CD86: variants seen among roughly 807,000 people sequenced by gnomAD.
CD86 encodes CD86 molecule, also known as T-lymphocyte activation antigen CD86.
A neutral mutation model predicts 32.1 loss-of-function variants in CD86; 11 were observed. The observed-to-expected ratio is 0.34, with a 90% CI of 0.22 to 0.57. The LOEUF (loss-of-function observed/expected upper bound fraction) is 0.57. Ranked by LOEUF, CD86 falls within the 20% of genes least tolerant of loss-of-function variation. The pLI is 0.86. For missense variants in CD86, 359 were observed against 398.4 expected (o/e 0.90, Z 0.84); for synonymous variants, 137 against 135.3 (o/e 1.01, Z -0.09).
intron 3 of CD86, among the ~76,000 whole-genome samples, 191 bp from the exon 4 acceptor site, chr3:122,106,007 C>A (rs1031967819): frequency 1.3e-5 from 2 of 152,116 alleles, no homozygotes; most frequent in Admixed American, 6.5e-5. Context: ...TGGCTGCAAA[C>A]TCTATTGTTG....
rs1249304459 is a variant in CD86 at position 122,072,505 on chromosome 3, TC to T, written c.14+17003del. On this transcript the variant is annotated intron_variant, in intron 1 of 6. Transcript: ENST00000330540. Reference sequence around the variant, plus strand: ...GTGATGGTGAGCATTTTTTCATGTGTCTTTTGGCTGCATAAATGTCTTCTTT... The same window carrying T: ...GTGATGGTGAGCATTTTTTCATGTGTTTTTGGCTGCATAAATGTCTTCTTT... 5.3e-5 allele frequency among the ~76,000 whole-genome samples: 8 copies of T among 152,352 alleles called. No homozygotes were observed. The South Asian group carries it at 8.3e-4, about 16-fold the overall frequency.
At chr3:122,055,956 C>T (rs2072227305) in intron 1 of CD86, among the ~76,000 whole-genome samples, 1 of 152,020 alleles carries the variant, frequency 6.6e-6, no homozygotes, top group South Asian at 2.1e-4. Flanking sequence ...ATGCAAAACT[C>T]AGTTAATATG....
At chr3:122,079,876 T>C (rs2072606930) in intron 1 of CD86, among the ~76,000 whole-genome samples, 1 of 152,188 alleles carries the variant, frequency 6.6e-6, no homozygotes, top group African/African-American at 2.4e-5. Context: ...CCTTTCTAAG[T>C]TCCATGTCCT....
At chr3:122,069,505 G>A (rs2072459828) in intron 1 of CD86, among the ~76,000 whole-genome samples, 1 of 152,166 alleles carries the variant, frequency 6.6e-6, no homozygotes, top group Non-Finnish European at 1.5e-5. Context: ...GCCATTAGGT[G>A]TTGAGATACA....
chr3:122,085,055 C>T (rs559787690), intron 1 of CD86, among the ~76,000 whole-genome samples: 2 of 152,272 alleles, frequency 1.3e-5, no homozygotes, highest in African/African-American at 2.4e-5. Flanking sequence ...TAGGCAACCA[C>T]GTGAAGAGGA....
At chr3:122,087,017 T>G (rs2072733861) in intron 1 of CD86, among the ~76,000 whole-genome samples, 1 of 152,218 alleles carries the variant, frequency 6.6e-6, no homozygotes, top group South Asian at 2.1e-4. Flanking sequence ...TGAGACTCCA[T>G]TCCTTCATCT....
intron 1 of CD86, among the ~76,000 whole-genome samples, chr3:122,082,521 A>AT (rs2072648967): frequency 6.6e-6 from 1 of 152,250 alleles, no homozygotes; most frequent in Non-Finnish European, 1.5e-5. Flanking sequence ...ACAGAACGTG[A>AT]TACCACAAGC....
At chr3:122,065,074 A>T (rs960972983) in intron 1 of CD86, among the ~76,000 whole-genome samples, 5 of 152,184 alleles carry the variant, frequency 3.3e-5, no homozygotes, top group Non-Finnish European at 7.3e-5. Flanking sequence ...AAGTAGTATT[A>T]TCCCTGATTT....
At chr3:122,094,556 C>A (rs2107529406) in intron 2 of CD86, among the ~76,000 whole-genome samples, 1 of 152,306 alleles carries the variant, frequency 6.6e-6, no homozygotes, top group African/African-American at 2.4e-5. Context: ...CTTCTCAGGG[C>A]ACACCTCTGC....
chr3:122,119,788 C>T lies in CD86; in HGVS notation c.*254C>T, dbSNP rs1298360451. ...TTATGGGCCAAGCCCAGCTTAATGG[C>T]TCATGACCTGGAAATAAAATTTAGG... On this transcript the variant is annotated 3_prime_UTR_variant, in exon 7 of 7. Transcript: ENST00000330540. The T allele has an allele frequency of 3.1e-6, 1 of 322,180 alleles. No individual in the cohort carries two copies. The highest frequency in any genetic ancestry group is 5.5e-6 in the Non-Finnish European group (1 of 180,588). The allele number at this position is 322,180 out of a possible 1,614,324, so 20.0% of individuals were successfully genotyped here.
At chr3:122,074,413 C>T (rs1357528431) in intron 1 of CD86, among the ~76,000 whole-genome samples, 2 of 152,190 alleles carry the variant, frequency 1.3e-5, no homozygotes, top group Admixed American at 6.5e-5. Flanking sequence ...CTGCTTTCCC[C>T]CTTGCATCAA....
At chr3:122,114,760 A>G (rs2107549448) in intron 5 of CD86, among the ~76,000 whole-genome samples, 1 of 152,342 alleles carries the variant, frequency 6.6e-6, no homozygotes, top group Middle Eastern at 3.4e-3. Context: ...AAAAAAACAT[A>G]TGATCATGTC....
intron 1 of CD86, among the ~76,000 whole-genome samples, chr3:122,076,212 T>G (rs1328041145): frequency 1.3e-5 from 2 of 152,222 alleles, no homozygotes; most frequent in Admixed American, 6.5e-5. Flanking sequence ...TGAAACAGAT[T>G]TTACATGAGT....
intron 2 of CD86, among the ~76,000 whole-genome samples, chr3:122,101,829 A>C (rs914251634): frequency 6.6e-6 from 1 of 152,060 alleles, no homozygotes; most frequent in Non-Finnish European, 1.5e-5. Flanking sequence ...TTGTAAGGTG[A>C]TTCATAAACA....
intron 1 of CD86, among the ~76,000 whole-genome samples, chr3:122,076,738 A>G (rs973854198): frequency 6.6e-6 from 1 of 152,238 alleles, no homozygotes. Context: ...GGAAAGTAAT[A>G]ATGAAGATGA....
At chr3:122,101,503 AAAAAAAAAAAAT>A (rs1199659583) in intron 2 of CD86, among the ~76,000 whole-genome samples, 3 of 40,274 alleles carry the variant, frequency 7.4e-5, no homozygotes, top group Non-Finnish European at 1.5e-4. Context: ...CAGAAAAAAA[AAAAAAAAAAAAT>A]ATATATATAT....
intron 1 of CD86, among the ~76,000 whole-genome samples, chr3:122,075,614 G>A (rs2072545079): frequency 6.6e-6 from 1 of 152,216 alleles, no homozygotes; most frequent in African/African-American, 2.4e-5. Context: ...AGGGGTCCTT[G>A]CTTGAGTGAG....
chr3:122,094,783 C>T (rs1295027057), intron 2 of CD86, among the ~76,000 whole-genome samples: 2 of 152,214 alleles, frequency 1.3e-5, no homozygotes, highest in Non-Finnish European at 2.9e-5. Flanking sequence ...GTATTTGCTG[C>T]CCCTGCTCTT....
chr3:122,080,269 C>A (rs1393198433), intron 1 of CD86, among the ~76,000 whole-genome samples: 4 of 152,128 alleles, frequency 2.6e-5, no homozygotes, highest in African/African-American at 9.7e-5. Flanking sequence ...TGAAACTTTG[C>A]ATGATCCTTA....
Sources: allele counts gnomAD v4.1 joint callset (sites outside exome capture counted in the v4.1 genomes callset), GRCh38; gene constraint gnomAD v4.1.1; transcripts MANE v1.5; gene names NCBI Gene and HGNC (gene_info 2026-07-23, HGNC 2026-07-21).